Variants in DYNC1H1 observed in about 807,000 individuals in gnomAD.
DYNC1H1 encodes dynein cytoplasmic 1 heavy chain 1.
In DYNC1H1, 51 loss-of-function variants were observed where a neutral mutation model predicts 527.1. The observed-to-expected ratio is 0.10, with a 90% CI of 0.08 to 0.12. The LOEUF (loss-of-function observed/expected upper bound fraction) is 0.12. DYNC1H1 is among the 10% of genes least tolerant of loss of function. The pLI is 1.00. For synonymous variants in DYNC1H1, 2,189 were observed against 2,278.8 expected (o/e 0.96, Z 1.12); for missense variants, 2,771 against 5,971.8 (o/e 0.46, Z 17.66).
chr14:102,003,297 C>G (rs981635600), intron 23 of DYNC1H1, among the ~76,000 whole-genome samples: 2 of 147,506 alleles, frequency 1.4e-5, no homozygotes, highest in African/African-American at 5.1e-5. Context: ...GAGTCTTGCT[C>G]TGTCGCCCAG....
At position 102,047,587 on chromosome 14, in the gene DYNC1H1, GTA is replaced by G. The variant is rs138644560; in HGVS notation, c.13007-219_13007-218del. On this transcript the variant is annotated intron_variant, in intron 72 of 77. Coordinates refer to ENST00000360184, the MANE Select transcript of DYNC1H1 (RefSeq NM_001376.5). ...CACATATATATATACATACACATAC[GTA>G]TATATATATACACATATATGTATAT... 127 of 322,786 alleles carry G rather than the reference GTA, an allele frequency of 3.9e-4. 1 individual carries two copies. The highest frequency in any genetic ancestry group is 6.3e-4 in the East Asian group (9 of 14,200). 20.0% of individuals were successfully genotyped at this position (322,786 alleles called of 1,614,324 possible). A position where few individuals can be genotyped will look rare whatever the true frequency, so the allele number is the denominator to read the frequency against.
chr14:102,025,390 G>C (rs1413258273), intron 43 of DYNC1H1, among the ~76,000 whole-genome samples: 1 of 151,222 alleles, frequency 6.6e-6, no homozygotes, highest in African/African-American at 2.4e-5. Context: ...GGGCGACAGA[G>C]GGAGACTCTG....
chr14:101,975,454 G>T (rs2047790304), intron 1 of DYNC1H1, among the ~76,000 whole-genome samples: 1 of 152,184 alleles, frequency 6.6e-6, no homozygotes, highest in Admixed American at 6.5e-5. Context: ...GTGCTTTCAT[G>T]CACCAACTCA....
intron 28 of DYNC1H1, among the ~76,000 whole-genome samples, chr14:102,007,415 A>T (rs1173572953): frequency 6.6e-6 from 1 of 152,228 alleles, no homozygotes; most frequent in South Asian, 2.1e-4. Context: ...ATTATGGAAG[A>T]GGTTTATCTT....
chr14:102,005,826 C>T lies in DYNC1H1; in HGVS notation c.5434-62C>T. 6.2e-7 allele frequency: 1 copy of T among 1,604,484 alleles called. No homozygotes were observed. The highest frequency in any genetic ancestry group is 8.5e-7 in the Non-Finnish European group (1 of 1,172,282). ...AATTTCAGTTTAACAGTCCACAAACCCGGAGAATGCACTGTATTGCTTTAG... is the reference window on the plus strand; with the variant it reads ...AATTTCAGTTTAACAGTCCACAAACTCGGAGAATGCACTGTATTGCTTTAG... On this transcript the variant is annotated intron_variant, in intron 26 of 77. Coordinates refer to ENST00000360184, the MANE Select transcript of DYNC1H1 (RefSeq NM_001376.5). This position sits in a 1 kb window ranked among gnomAD's most constrained non-coding sequence, Gnocchi z 4.0.
At chr14:101,984,427 GTGTGTA>G (rs374937446) in intron 7 of DYNC1H1, among the ~76,000 whole-genome samples, 181 of 120,382 alleles carry the variant, frequency 1.5e-3, no homozygotes, top group Non-Finnish European at 2.0e-3. Flanking sequence ...GTGTGTGTGT[GTGTGTA>G]TATATATATA....
intron 14 of DYNC1H1, 31 bp from the exon 15 acceptor site, chr14:101,995,150 T>A: frequency 6.2e-7 from 1 of 1,614,210 alleles, no homozygotes; most frequent in South Asian, 1.1e-5. Context: ...ACCCCAGCTC[T>A]GTGATGAAAT....
Position 102,020,114 on chromosome 14 carries a change from C to G in DYNC1H1, c.8507+58C>G, listed in dbSNP as rs2152584707. The stretch of plus-strand genomic sequence containing the variant: ...TCTCCCCTGCTCTGAGTTCTTACAG[C>G]TGTCGAAGCTGGGGTCTTTGCAGGG... On this transcript the variant is annotated intron_variant, in intron 42 of 77. Transcript: ENST00000360184. This position sits in a 1 kb window ranked among gnomAD's most constrained non-coding sequence, Gnocchi z 4.3. 1.3e-6 allele frequency: 2 copies of G among 1,595,976 alleles called. No homozygotes were observed. The highest frequency in any genetic ancestry group is 4.5e-5 in the East Asian group (2 of 44,238).
chr14:101,975,433 G>C (rs2047790141), intron 1 of DYNC1H1, among the ~76,000 whole-genome samples: 1 of 152,202 alleles, frequency 6.6e-6, no homozygotes, highest in Non-Finnish European at 1.5e-5. Flanking sequence ...CCACCGCCAG[G>C]CCCTGTTCCA....
chr14:101,994,434 C>CAAGAT (rs2048034404), intron 12 of DYNC1H1, 110 bp downstream of exon 12: 11 of 1,504,568 alleles, frequency 7.3e-6, no homozygotes, highest in Non-Finnish European at 1.0e-5. Context: ...ATGTATGGTT[C>CAAGAT]ACTAGATACT....
Position 102,049,659 on chromosome 14 carries a change from A to T in DYNC1H1, c.13516-55A>T. The stretch of plus-strand genomic sequence containing the variant: ...GGTGGGAGTGGCTCTGGGGAAAAAC[A>T]CAGGGCCCAGGTCTGACCTGAGCTC... On this transcript the variant is annotated intron_variant, in intron 75 of 77. Transcript: ENST00000360184. The surrounding 1 kb of genome is among the most constrained non-coding windows in gnomAD (Gnocchi z 5.5). 1 of 1,613,488 alleles carries T rather than the reference A, an allele frequency of 6.2e-7. No individual in the cohort carries two copies.
At position 101,986,452 on chromosome 14, in the gene DYNC1H1, A is replaced by G. The variant is rs1190439146; in HGVS notation, c.2227A>G (p.Ile743Val). Residue 743 changes from isoleucine to valine, a missense_variant, in exon 8 of 78, where the codon ATT becomes GTT. Ile to Val is a conservative substitution (Grantham distance 29). This residue lies in a region of DYNC1H1 where 264 missense variants were observed against 619.4 expected (regional missense o/e 0.43). Transcript: ENST00000360184. This position sits in a 1 kb window ranked among gnomAD's most constrained non-coding sequence, Gnocchi z 8.7. ...LKLKVNFLPE[I>V]ITLSKEVRNL... ...GCTGAAAGTTAACTTTCTTCCTGAG[A>G]TTATCACACTATCCAAAGAAGTCCG... The G allele has an allele frequency of 6.2e-7, 1 of 1,614,136 alleles. No homozygotes were observed. Among genetic ancestry groups the G allele is most frequent in the Non-Finnish European group, 8.5e-7 (1 of 1,180,014 alleles).
intron 5 of DYNC1H1, among the ~76,000 whole-genome samples, chr14:101,981,710 C>G (rs939253723): frequency 9.2e-5 from 14 of 152,212 alleles, no homozygotes; most frequent in African/African-American, 3.4e-4. Flanking sequence ...TGCGCATTCA[C>G]TATGCTGAAA....
In DYNC1H1 at chr14:102,016,138, G is replaced by T. The variant is rs1406666194; in HGVS notation, c.7473+52G>T. ...AGCTCACCACTGCGCCAGACCACAG[G>T]TCTGAGGACCTCTGAAATGCTGCAC... On this transcript the variant is annotated intron_variant, in intron 36 of 77. Coordinates refer to ENST00000360184, the MANE Select transcript of DYNC1H1 (RefSeq NM_001376.5). This position sits in a 1 kb window ranked among gnomAD's most constrained non-coding sequence, Gnocchi z 7.3. 1.9e-6 allele frequency: 3 copies of T among 1,557,550 alleles called. No individual in the cohort carries two copies. The highest frequency in any genetic ancestry group is 2.3e-5 in the South Asian group (2 of 85,622).
chr14:101,970,168 A>G (rs1176064978), intron 1 of DYNC1H1, among the ~76,000 whole-genome samples: 1 of 152,092 alleles, frequency 6.6e-6, no homozygotes, highest in Admixed American at 6.6e-5. Flanking sequence ...GTTAAATATA[A>G]GTATTATATG....
chr14:101,967,825 C>T (rs186182031), intron 1 of DYNC1H1, among the ~76,000 whole-genome samples: 8 of 152,080 alleles, frequency 5.3e-5, no homozygotes, highest in Non-Finnish European at 1.0e-4. Flanking sequence ...GACCCTATCT[C>T]TAAAATAAAT....
chr14:102,039,642 C>G lies in DYNC1H1; in HGVS notation c.11600C>G (p.Ala3867Gly). 6.2e-7 allele frequency: 1 copy of G among 1,614,118 alleles called. No homozygotes were observed. Among genetic ancestry groups the G allele is most frequent in the Non-Finnish European group, 8.5e-7 (1 of 1,180,024 alleles). Residue 3867 changes from alanine (A) to glycine (G), a missense_variant, in exon 62 of 78, where the codon GCG becomes GGG. Transcript: ENST00000360184. This position sits in a 1 kb window ranked among gnomAD's most constrained non-coding sequence, Gnocchi z 7.0. ...SIITKDLFQV[A>G]FNRVARGMLH... is the part of the protein sequence containing the mutation. ...CGTCTCCTGCTCTTGTCCCAGGTGG[C>G]GTTTAACCGAGTGGCTCGAGGCATG...
chr14:102,048,574 A>G lies in DYNC1H1; in HGVS notation c.13277A>G (p.Asp4426Gly). 1 of 1,614,228 alleles carries G rather than the reference A, an allele frequency of 6.2e-7. No individual in the cohort carries two copies. The highest frequency in any genetic ancestry group is 8.5e-7 in the Non-Finnish European group (1 of 1,180,042). The change falls in exon 74 of 78, where the codon GAC (aspartate) becomes GGC (glycine). Residue 4426 changes from aspartate (D) to glycine (G), a missense_variant. This residue lies in a region of DYNC1H1 where 170 missense variants were observed against 249.8 expected (regional missense o/e 0.68). Transcript: ENST00000360184. ...AAGATGGGCGCAAAGCTGCTTCAGGACGTTCGCCAGGACCTTGCAGATGTC... is the reference window on the plus strand; with the variant it reads ...AAGATGGGCGCAAAGCTGCTTCAGGGCGTTCGCCAGGACCTTGCAGATGTC... Reference protein sequence around the residue: ...EVKMGAKLLQDVRQDLADVVQ... With the variant: ...EVKMGAKLLQGVRQDLADVVQ...
Position 102,018,720 on chromosome 14 carries a change from G to A in DYNC1H1, c.8343+104G>A. ...TCACACCTGTAATCCCAGCATTTTG[G>A]GAGGCCAAGGTGGGTGGATCCTTTG... On this transcript the variant is annotated intron_variant, in intron 41 of 77. Coordinates refer to ENST00000360184, the MANE Select transcript of DYNC1H1 (RefSeq NM_001376.5). The surrounding 1 kb of genome is among the most constrained non-coding windows in gnomAD (Gnocchi z 5.2). 1 of 1,478,908 alleles carries A rather than the reference G, an allele frequency of 6.8e-7. No individual in the cohort carries two copies. The highest frequency in any genetic ancestry group is 9.2e-7 in the Non-Finnish European group (1 of 1,091,134). The allele number at this position is 1,478,908 out of a possible 1,614,324, so 91.6% of individuals were successfully genotyped here. A position where few individuals can be genotyped will look rare whatever the true frequency, so the allele number is the denominator to read the frequency against.
Sources: gnomAD v4.1 joint callset for allele counts (sites outside exome capture counted in the v4.1 genomes callset) on GRCh38, gnomAD v4.1.1 for gene constraint, gnomAD v4.1.1 regional missense constraint, Gnocchi (gnomAD v3.1) non-coding constraint, MANE v1.5 for transcripts, NCBI Gene and HGNC (gene_info 2026-07-23, HGNC 2026-07-21) for gene names.